RASA2: variants seen among roughly 807,000 people sequenced by gnomAD.
RASA2 encodes the protein ras GTPase-activating protein 2.
In RASA2, 155 loss-of-function variants were observed where a neutral mutation model predicts 118.2. That is an observed-to-expected ratio of 1.31 (90% confidence interval 1.15 to 1.50). The LOEUF (loss-of-function observed/expected upper bound fraction) is 1.50. Among genes scored for constraint, RASA2 ranks in the 40% most tolerant of loss-of-function variants. The pLI, the probability that RASA2 is intolerant of heterozygous loss-of-function variation, is 0.00. For missense variants in RASA2, 1,016 were observed against 1,009.6 expected (o/e 1.01, Z -0.09); for synonymous variants, 353 against 349.1 (o/e 1.01, Z -0.12).
chr3:141,594,310 T>A (rs1376115877), intron 19 of RASA2, among the ~76,000 whole-genome samples: 1 of 151,596 alleles, frequency 6.6e-6, no homozygotes, highest in Non-Finnish European at 1.5e-5. Context: ...GTCTAACATA[T>A]GCATGGTTGG....
intron 1 of RASA2, among the ~76,000 whole-genome samples, chr3:141,509,989 TA>T (rs2081927660): frequency 6.6e-6 from 1 of 152,242 alleles, no homozygotes; most frequent in African/African-American, 2.4e-5. Context: ...GTGACAGATT[TA>T]AGAAGTATCT....
In RASA2 at chr3:141,544,704, G is replaced by A. The variant is rs112654868; in HGVS notation, c.527+4095G>A. Among the ~76,000 whole-genome samples the A allele has an allele frequency of 2.1e-3, 325 of 151,884 alleles. 4 individuals are homozygous for A. Among genetic ancestry groups the A allele is most frequent in the African/African-American group, 7.4e-3 (308 of 41,376 alleles). On this transcript the variant is annotated intron_variant, in intron 5 of 23. Coordinates refer to ENST00000286364, the MANE Select transcript of RASA2 (RefSeq NM_006506.5). ...TCAAACATATTCATAATTGTTCATT[G>A]CATTATTCACAATAGCAAAGACATG...
At chr3:141,538,076 C>T (rs984923796) in intron 4 of RASA2, among the ~76,000 whole-genome samples, 5 of 148,286 alleles carry the variant, frequency 3.4e-5, no homozygotes, top group African/African-American at 1.3e-4. Flanking sequence ...TTGCTGGGCT[C>T]ATAACTGCCC....
chr3:141,524,073 G>T (rs2082150463), intron 3 of RASA2, among the ~76,000 whole-genome samples: 1 of 152,162 alleles, frequency 6.6e-6, no homozygotes, highest in South Asian at 2.1e-4. Context: ...ATACTTACTG[G>T]CTTAATACAG....
intron 19 of RASA2, among the ~76,000 whole-genome samples, chr3:141,596,572 C>G (rs1346307766): frequency 2.0e-5 from 3 of 152,050 alleles, no homozygotes; most frequent in Non-Finnish European, 4.4e-5. Context: ...AATATATTTG[C>G]AAAACGCTTA....
At chr3:141,607,211 T>C (rs941276564) in intron 19 of RASA2, among the ~76,000 whole-genome samples, 1 of 152,160 alleles carries the variant, frequency 6.6e-6, no homozygotes, top group African/African-American at 2.4e-5. Context: ...TTAGAAATAT[T>C]ATTTTGAGGG....
chr3:141,584,632 G>A (rs1482807839), intron 17 of RASA2, among the ~76,000 whole-genome samples: 2 of 152,142 alleles, frequency 1.3e-5, no homozygotes, highest in African/African-American at 2.4e-5. Context: ...TATGATAGAA[G>A]TTGGCAAACT....
intron 1 of RASA2, among the ~76,000 whole-genome samples, chr3:141,496,414 A>G (rs1315494400): frequency 6.6e-6 from 1 of 152,188 alleles, no homozygotes; most frequent in Admixed American, 6.5e-5. Context: ...TTTGCAATCT[A>G]CTCATCTGAC....
At chr3:141,491,760 T>G (rs1009017933) in intron 1 of RASA2, among the ~76,000 whole-genome samples, 3 of 152,230 alleles carry the variant, frequency 2.0e-5, no homozygotes, top group Non-Finnish European at 4.4e-5. Flanking sequence ...CTCTGATTAC[T>G]TATTATTAGG....
At chr3:141,546,636 G>C (rs1013767856) in intron 5 of RASA2, among the ~76,000 whole-genome samples, 2 of 152,074 alleles carry the variant, frequency 1.3e-5, no homozygotes, top group East Asian at 3.9e-4. Flanking sequence ...CCATTCTGTG[G>C]GTTGTCTCTT....
At chr3:141,578,135 T>C (rs2083042742) in intron 15 of RASA2, among the ~76,000 whole-genome samples, 1 of 152,246 alleles carries the variant, frequency 6.6e-6, no homozygotes, top group African/African-American at 2.4e-5. Flanking sequence ...CCTAGCAACC[T>C]GGTAAGGTAA....
chr3:141,498,996 G>A (rs1303942000), intron 1 of RASA2, among the ~76,000 whole-genome samples: 5 of 152,178 alleles, frequency 3.3e-5, no homozygotes, highest in East Asian at 3.8e-4. Flanking sequence ...GCAAACCACA[G>A]GAAGATCCTG....
chr3:141,536,228 T>A (rs558298569), intron 4 of RASA2, among the ~76,000 whole-genome samples: 1 of 152,346 alleles, frequency 6.6e-6, no homozygotes, highest in Non-Finnish European at 1.5e-5. Context: ...TGAAAGGCAC[T>A]TCTTACATGG....
At chr3:141,543,674 T>C (rs1207094320) in intron 5 of RASA2, among the ~76,000 whole-genome samples, 6 of 152,062 alleles carry the variant, frequency 3.9e-5, no homozygotes, top group East Asian at 3.8e-4. Context: ...ATACTAGATA[T>C]AGAATTCTGA....
At chr3:141,539,713 A>G (rs2082379702) in intron 4 of RASA2, among the ~76,000 whole-genome samples, 1 of 152,204 alleles carries the variant, frequency 6.6e-6, no homozygotes, top group Admixed American at 6.5e-5. Context: ...TTGTTAGCGC[A>G]GAATTGCTCA....
chr3:141,490,674 A>G (rs2081629969), intron 1 of RASA2, among the ~76,000 whole-genome samples: 1 of 152,176 alleles, frequency 6.6e-6, no homozygotes, highest in African/African-American at 2.4e-5. Flanking sequence ...TCAGACCAAG[A>G]ATAGCCTAGG....
intron 1 of RASA2, among the ~76,000 whole-genome samples, chr3:141,487,764 G>A (rs532379102): frequency 6.6e-6 from 1 of 152,064 alleles, no homozygotes. Flanking sequence ...TGAAAAAGGC[G>A]CCCTGAGCTG....
rs573246815 is a variant in RASA2 at position 141,586,188 on chromosome 3, G to A, written c.1826+90G>A. The A allele has an allele frequency of 1.3e-4, 163 of 1,242,326 alleles. No individual in the cohort carries two copies. In the African/African-American group the frequency reaches 2.2e-3, roughly 17 times the overall value. The allele number at this position is 1,242,326 out of a possible 1,614,324, so 77.0% of individuals were successfully genotyped here. A position where few individuals can be genotyped will look rare whatever the true frequency, so the allele number is the denominator to read the frequency against. The stretch of plus-strand genomic sequence containing the variant: ...CGTGGGTCTAAGAGTGAGGAGATCT[G>A]GCTTTGTGTGCTGTGTTAGAACTGC... On this transcript the variant is annotated intron_variant, in intron 18 of 23. Transcript: ENST00000286364.
Position 141,558,878 on chromosome 3 carries a change from G to A in RASA2, c.685-8G>A. ...AAAAAAATTTTTACTAAAATATTTT[G>A]TTTACAGGTAACCAGATCCAGTAGT... On this transcript the variant is annotated splice_polypyrimidine_tract_variant and splice_region_variant and intron_variant, in intron 7 of 23. Transcript: ENST00000286364. 3 of 1,578,546 alleles carry A rather than the reference G, an allele frequency of 1.9e-6. No homozygotes were observed. Among genetic ancestry groups the A allele is most frequent in the Non-Finnish European group, 2.6e-6 (3 of 1,150,668 alleles).
Sources: gnomAD v4.1 joint callset for allele counts (sites outside exome capture counted in the v4.1 genomes callset) on GRCh38, gnomAD v4.1.1 for gene constraint, MANE v1.5 for transcripts, NCBI Gene and HGNC (gene_info 2026-07-23, HGNC 2026-07-21) for gene names.